Variants in MAST4 observed in about 807,000 individuals in gnomAD.
MAST4 encodes the protein microtubule associated serine/threonine kinase family member 4.
In MAST4, 89 loss-of-function variants were observed where a neutral mutation model predicts 162.7. The observed-to-expected ratio is 0.55, with a 90% CI of 0.46 to 0.65. The LOEUF is 0.65. MAST4 is among the 30% of genes least tolerant of loss of function. The probability of loss-of-function intolerance (pLI) is 0.00; values close to 1 mark genes in which losing one functional copy is unlikely to be tolerated. For synonymous variants in MAST4, 1,479 were observed against 1,361.1 expected (o/e 1.09, Z -1.91); for missense variants, 3,153 against 3,374.0 (o/e 0.93, Z 1.62).
At chr5:66,703,110 T>G (rs560463424) in intron 1 of MAST4, among the ~76,000 whole-genome samples, 1 of 152,216 alleles carries the variant, frequency 6.6e-6, no homozygotes, top group Non-Finnish European at 1.5e-5. Flanking sequence ...GCACTGCTAG[T>G]GCATTCTCCA....
At chr5:66,907,456 C>G (rs1485312552) in intron 4 of MAST4, among the ~76,000 whole-genome samples, 1 of 152,162 alleles carries the variant, frequency 6.6e-6, no homozygotes, top group Non-Finnish European at 1.5e-5. Flanking sequence ...GCCAGGGACC[C>G]TTGGCTGTCT....
chr5:67,033,458 C>T (rs1466801427), intron 4 of MAST4, among the ~76,000 whole-genome samples: 1 of 150,310 alleles, frequency 6.7e-6, no homozygotes, highest in Non-Finnish European at 1.5e-5. Context: ...GCAACATAGG[C>T]ATAGGCAGGA....
intron 2 of MAST4, among the ~76,000 whole-genome samples, chr5:66,760,281 A>G (rs1753785210): frequency 6.6e-6 from 1 of 151,510 alleles, no homozygotes; most frequent in African/African-American, 2.4e-5. Context: ...ACGCCCAGCT[A>G]ATTTTTGTAT....
intron 4 of MAST4, among the ~76,000 whole-genome samples, chr5:66,917,607 T>TTTC (rs1554068098): frequency 4.1e-5 from 3 of 73,702 alleles, no homozygotes; most frequent in African/African-American, 6.4e-5. Context: ...TTTTTTTTTT[T>TTTC]CCCTAGATGG....
intron 1 of MAST4, among the ~76,000 whole-genome samples, chr5:66,659,530 C>T (rs1746769570): frequency 6.6e-6 from 1 of 152,048 alleles, no homozygotes; most frequent in Admixed American, 6.5e-5. Context: ...GCTAAGCAAC[C>T]CTGCATTTTC....
In MAST4 at chr5:66,631,319, G is replaced by C. The variant is rs77731380; in HGVS notation, c.363+34301G>C. On this transcript the variant is annotated intron_variant, in intron 1 of 28. Coordinates refer to ENST00000403625, the MANE Select transcript of MAST4 (RefSeq NM_001164664.2). ...GCGATCGATGGTAATTTCTAAGTAG[G>C]GGGTAAGGAGTTGCTATACATAAAG... is the stretch of plus-strand genomic sequence containing the variant. Among the ~76,000 whole-genome samples the C allele has an allele frequency of 5.3e-3, 800 of 152,216 alleles. 8 individuals carry two copies. Among genetic ancestry groups the C allele is most frequent in the African/African-American group, 0.018 (757 of 41,514 alleles).
chr5:66,796,977 G>C (rs1755682450), intron 3 of MAST4, among the ~76,000 whole-genome samples: 2 of 152,302 alleles, frequency 1.3e-5, no homozygotes, highest in South Asian at 4.1e-4. Context: ...GCCCAGACTA[G>C]CTAAATGGTT....
At chr5:66,667,879 A>C (rs745337076) in intron 1 of MAST4, among the ~76,000 whole-genome samples, 3 of 152,206 alleles carry the variant, frequency 2.0e-5, no homozygotes, top group Non-Finnish European at 4.4e-5. Context: ...ATTGTAAATT[A>C]AAAATATTAA....
chr5:67,004,272 G>T (rs1407709198), intron 4 of MAST4, among the ~76,000 whole-genome samples: 2 of 152,080 alleles, frequency 1.3e-5, no homozygotes, highest in East Asian at 3.9e-4. Context: ...GTGGGGGGTG[G>T]GGGATGCAGG....
chr5:66,790,279 T>C (rs1217582951), intron 3 of MAST4, among the ~76,000 whole-genome samples: 1 of 152,170 alleles, frequency 6.6e-6, no homozygotes, highest in Non-Finnish European at 1.5e-5. Context: ...GCTTTTGCCA[T>C]TAGATAGCTG....
intron 5 of MAST4, among the ~76,000 whole-genome samples, chr5:67,074,588 G>T (rs1221771702): frequency 6.6e-6 from 1 of 151,678 alleles, no homozygotes; most frequent in African/African-American, 2.4e-5. Flanking sequence ...TAGTCCATCT[G>T]TATAATGGAA....
chr5:66,786,462 C>G (rs1025782933), intron 2 of MAST4, among the ~76,000 whole-genome samples: 1 of 151,754 alleles, frequency 6.6e-6, no homozygotes, highest in Admixed American at 6.6e-5. Flanking sequence ...TAAATAAATA[C>G]AAATAAAATA....
chr5:67,135,687 A>G (rs566353573), intron 18 of MAST4, among the ~76,000 whole-genome samples: 1 of 152,204 alleles, frequency 6.6e-6, no homozygotes, highest in Non-Finnish European at 1.5e-5. Context: ...CTGTTTTCTG[A>G]TATACTAAGG....
intron 1 of MAST4, among the ~76,000 whole-genome samples, chr5:66,739,846 G>GTTT (rs35980021): frequency 2.2e-5 from 3 of 135,708 alleles, no homozygotes; most frequent in African/African-American, 5.6e-5. Flanking sequence ...CATCACTCTT[G>GTTT]TTTTTTTTTT....
chr5:66,797,930 A>G (rs948565999), intron 3 of MAST4, among the ~76,000 whole-genome samples: 3 of 152,190 alleles, frequency 2.0e-5, no homozygotes, highest in African/African-American at 7.2e-5. Flanking sequence ...TCAGAGGCTC[A>G]TGTGTATCAG....
rs375515033 is a variant in MAST4, at chr5:67,153,514, C to T, written c.3582C>T (p.Ile1194=). 6.9e-5 allele frequency: 111 copies of T among 1,602,256 alleles called. No individual in the cohort carries two copies. The highest frequency in any genetic ancestry group is 9.1e-5 in the Non-Finnish European group (107 of 1,174,036). The change falls in exon 26 of 29, where the codon ATC becomes ATT. Residue 1194 remains isoleucine (I), a synonymous_variant. Transcript: ENST00000403625. ...CQAGLKAGDL[I]THINGEPVHG... The stretch of plus-strand genomic sequence containing the variant: ...CAGGACTGAAGGCTGGAGATCTTAT[C>T]ACTCACATCAATGGAGAACCAGTGC...
intron 4 of MAST4, among the ~76,000 whole-genome samples, chr5:67,001,087 A>C (rs1246238564): frequency 6.6e-6 from 1 of 152,226 alleles, no homozygotes; most frequent in African/African-American, 2.4e-5. Flanking sequence ...GACCAGCTAT[A>C]GTCTTAAGAA....
At chr5:66,959,188 G>C in intron 4 of MAST4, 2 of 778,830 alleles carry the variant, frequency 2.6e-6, no homozygotes, top group South Asian at 1.3e-5. Context: ...TGTCATCACC[G>C]GGACGCTGGC....
At chr5:66,695,062 C>T (rs774003111) in intron 1 of MAST4, among the ~76,000 whole-genome samples, 8 of 152,050 alleles carry the variant, frequency 5.3e-5, no homozygotes, top group Non-Finnish European at 1.0e-4. Context: ...GTTGTAATTG[C>T]TTTTGACGCT....
Sources: gnomAD v4.1 joint callset for allele counts (sites outside exome capture counted in the v4.1 genomes callset) on GRCh38, gnomAD v4.1.1 for gene constraint, MANE v1.5 for transcripts, NCBI Gene and HGNC (gene_info 2026-07-23, HGNC 2026-07-21) for gene names.